CACNA1E: variants seen among roughly 807,000 people sequenced by gnomAD.
The protein encoded by CACNA1E is calcium voltage-gated channel subunit alpha1 E.
In CACNA1E, 40 loss-of-function variants were observed where a neutral mutation model predicts 259.2. The observed-to-expected ratio is 0.15, with a 90% confidence interval of 0.12 to 0.20. The LOEUF (loss-of-function observed/expected upper bound fraction) is 0.20, where lower values mean the gene tolerates loss of function less well. Among genes scored for constraint, CACNA1E ranks in the 10% least tolerant of loss-of-function variants. The pLI, the probability that CACNA1E is intolerant of heterozygous loss-of-function variation, is 1.00. For missense variants in CACNA1E, 1,874 were observed against 3,040.1 expected (o/e 0.62, Z 9.02); for synonymous variants, 1,104 against 1,138.5 (o/e 0.97, Z 0.61).
At chr1:181,569,271 A>G (rs1464584251) in intron 3 of CACNA1E, among the ~76,000 whole-genome samples, 1 of 152,162 alleles carries the variant, frequency 6.6e-6, no homozygotes, top group East Asian at 1.9e-4. Context: ...TCGATTGTAG[A>G]GTAAGTCTTG....
At chr1:181,787,769 G>C (rs1459737700) in intron 43 of CACNA1E, among the ~76,000 whole-genome samples, 1 of 152,186 alleles carries the variant, frequency 6.6e-6, no homozygotes, top group Non-Finnish European at 1.5e-5. Context: ...TAACATTTGA[G>C]TGAGACTTGA....
At chr1:181,427,283 C>T (rs916312359) in intron 2 of CACNA1E, among the ~76,000 whole-genome samples, 1 of 151,018 alleles carries the variant, frequency 6.6e-6, no homozygotes, top group Non-Finnish European at 1.5e-5. Flanking sequence ...CCATCTCAAC[C>T]TCACTCATCT....
intron 3 of CACNA1E, among the ~76,000 whole-genome samples, chr1:181,513,074 A>C (rs1203980705): frequency 6.6e-6 from 1 of 152,218 alleles, no homozygotes; most frequent in Non-Finnish European, 1.5e-5. Context: ...GTATATAATA[A>C]GTTTGTGTAA....
chr1:181,354,857 C>T (rs1214529546), intron 1 of CACNA1E, among the ~76,000 whole-genome samples: 1 of 152,110 alleles, frequency 6.6e-6, no homozygotes, highest in Admixed American at 6.5e-5. Flanking sequence ...AGAAACCAAA[C>T]CAGAAAATTA....
chr1:181,510,797 A>C (rs1666099944), intron 2 of CACNA1E, among the ~76,000 whole-genome samples: 1 of 152,226 alleles, frequency 6.6e-6, no homozygotes, highest in Non-Finnish European at 1.5e-5. Context: ...GCCAGGGAAG[A>C]AGAAAGGGCA....
chr1:181,740,774 C>A (rs893221588), intron 25 of CACNA1E, among the ~76,000 whole-genome samples: 25 of 152,154 alleles, frequency 1.6e-4, no homozygotes, highest in African/African-American at 6.0e-4. Flanking sequence ...TCACCTTTGT[C>A]CCCCACAAAA....
chr1:181,670,479 C>T (rs1001806999), intron 7 of CACNA1E, among the ~76,000 whole-genome samples: 21 of 152,250 alleles, frequency 1.4e-4, no homozygotes, highest in African/African-American at 4.6e-4. Context: ...GTTGAAGAAG[C>T]TAACTCTACT....
At chr1:181,370,648 T>C (rs1654623686) in intron 1 of CACNA1E, among the ~76,000 whole-genome samples, 1 of 152,202 alleles carries the variant, frequency 6.6e-6, no homozygotes, top group Non-Finnish European at 1.5e-5. Context: ...CCATGGTGTA[T>C]ACATACCATA....
chr1:181,509,275 T>C (rs1665972977), intron 1 of CACNA1E, among the ~76,000 whole-genome samples: 1 of 152,108 alleles, frequency 6.6e-6, no homozygotes, highest in South Asian at 2.1e-4. Context: ...AACTTAACAT[T>C]GTGTTATTGC....
chr1:181,798,825 C>G lies in CACNA1E; in HGVS notation c.6933C>G (p.Asp2311Glu). The G allele has an allele frequency of 6.6e-7, 1 of 1,519,582 alleles. No homozygotes were observed. Among genetic ancestry groups the G allele is most frequent in the East Asian group, 2.3e-5 (1 of 43,816 alleles). The allele number at this position is 1,519,582 out of a possible 1,614,324, so 94.1% of individuals were successfully genotyped here. A position where few individuals can be genotyped will look rare whatever the true frequency, so the allele number is the denominator to read the frequency against. ...TGCTAAGTGACACGGAAGAAGATGA[C>G]AAATGCTAGAGGCTGCTCCCCCCTC... ...NNLLSDTEED[D>E]KC The change falls in exon 48 of 48, where the codon GAC (aspartate) becomes GAG (glutamate). Residue 2311 changes from aspartate to glutamate, a missense_variant. By Grantham distance (45) the Asp-to-Glu change is conservative. Transcript: ENST00000367573. This position sits in a 1 kb window ranked among gnomAD's most constrained non-coding sequence, Gnocchi z 4.2.
intron 1 of CACNA1E, among the ~76,000 whole-genome samples, chr1:181,391,046 C>T (rs1030894399): frequency 2.0e-5 from 3 of 152,184 alleles, no homozygotes; most frequent in Non-Finnish European, 4.4e-5. Flanking sequence ...TCTTAATCTT[C>T]CCCACATCCA....
chr1:181,421,105 C>G (rs925136168), intron 2 of CACNA1E, among the ~76,000 whole-genome samples: 1 of 152,242 alleles, frequency 6.6e-6, no homozygotes, highest in African/African-American at 2.4e-5. Context: ...TGAGGATTCA[C>G]TCCAGGTCCT....
At chr1:181,440,015 T>C (rs1467090065) in intron 2 of CACNA1E, among the ~76,000 whole-genome samples, 1 of 152,138 alleles carries the variant, frequency 6.6e-6, no homozygotes, top group East Asian at 1.9e-4. Context: ...ATAATAGTCA[T>C]AATAGGAAAT....
At chr1:181,560,241 T>C (rs1313729636) in intron 3 of CACNA1E, among the ~76,000 whole-genome samples, 8 of 151,300 alleles carry the variant, frequency 5.3e-5, no homozygotes, top group African/African-American at 1.9e-4. Flanking sequence ...TTTTTAAGTT[T>C]TTTTTTGTGT....
At chr1:181,492,716 C>G (rs1250320071) in intron 1 of CACNA1E, among the ~76,000 whole-genome samples, 1 of 152,198 alleles carries the variant, frequency 6.6e-6, no homozygotes, top group African/African-American at 2.4e-5. Flanking sequence ...TTTCAATAAG[C>G]ATCTCAGCAA....
At chr1:181,507,781 G>A (rs1021391601) in intron 1 of CACNA1E, among the ~76,000 whole-genome samples, 3 of 152,208 alleles carry the variant, frequency 2.0e-5, no homozygotes, top group Admixed American at 6.5e-5. Context: ...CAGCTTGAAC[G>A]AGAAAGTACT....
chr1:181,564,397 A>G (rs1649616473), intron 3 of CACNA1E, among the ~76,000 whole-genome samples: 1 of 152,232 alleles, frequency 6.6e-6, no homozygotes, highest in Non-Finnish European at 1.5e-5. Context: ...GCTTATTCAT[A>G]AGAAGCAGTT....
In CACNA1E at chr1:181,746,531, A is replaced by G. The variant is rs113598635; in HGVS notation, c.3720-3945A>G. Among the ~76,000 whole-genome samples, 1,077 of 152,320 alleles carry G rather than the reference A, an allele frequency of 7.1e-3. 15 individuals carry two copies. Among genetic ancestry groups the G allele is most frequent in the African/African-American group, 0.023 (975 of 41,560 alleles). On this transcript the variant is annotated intron_variant, in intron 25 of 47. Coordinates refer to ENST00000367573, the MANE Select transcript of CACNA1E (RefSeq NM_001205293.3). The stretch of plus-strand genomic sequence containing the variant: ...TTAGCTCCAAGCAATTAACCCCTGT[A>G]AGCTAAGAGCAGTGGCTTGGTATAG...
chr1:181,697,246 C>CCT (rs1651798433), intron 7 of CACNA1E, among the ~76,000 whole-genome samples: 1 of 152,224 alleles, frequency 6.6e-6, no homozygotes, highest in African/African-American at 2.4e-5. Context: ...ATCCTAAGGG[C>CCT]CTCAGGTGGC....
Sources: gnomAD v4.1 joint callset for allele counts (sites outside exome capture counted in the v4.1 genomes callset) on GRCh38, gnomAD v4.1.1 for gene constraint, Gnocchi (gnomAD v3.1) non-coding constraint, MANE v1.5 for transcripts, NCBI Gene and HGNC (gene_info 2026-07-23, HGNC 2026-07-21) for gene names.